The following SUCLG2 variants were observed in gnomAD, a reference collection of about 807,000 sequenced individuals.
SUCLG2 encodes succinate--CoA ligase [GDP-forming] subunit beta, mitochondrial.
Under a neutral mutation model 47.9 loss-of-function variants are expected in SUCLG2, and 42 were observed. The ratio of observed to expected loss-of-function variants is 0.88; its 90% CI spans 0.69 to 1.14. The LOEUF (loss-of-function observed/expected upper bound fraction) is 1.14, where lower values mean the gene tolerates loss of function less well. Among genes scored for constraint, SUCLG2 ranks in the 50% most tolerant of loss-of-function variants. The pLI is 0.00. For missense variants in SUCLG2, 571 were observed against 525.9 expected (o/e 1.09, Z -0.84); for synonymous variants, 195 against 197.3 (o/e 0.99, Z 0.10).
At chr3:67,646,118 G>A (rs1304209372) in intron 1 of SUCLG2, among the ~76,000 whole-genome samples, 4 of 148,656 alleles carry the variant, frequency 2.7e-5, no homozygotes, top group Non-Finnish European at 6.0e-5. Flanking sequence ...GGAGAGGGGA[G>A]GGGAGGGGAG....
intron 9 of SUCLG2, among the ~76,000 whole-genome samples, chr3:67,452,576 A>G (rs1363111512): frequency 1.3e-5 from 2 of 152,192 alleles, no homozygotes; most frequent in East Asian, 3.8e-4. Context: ...TTAGTAGCTC[A>G]AGTTACCACA....
intron 1 of SUCLG2, among the ~76,000 whole-genome samples, chr3:67,646,324 CG>C (rs1371786825): frequency 6.6e-6 from 1 of 152,132 alleles, no homozygotes; most frequent in African/African-American, 2.4e-5. Flanking sequence ...TGGCCGGGCA[CG>C]GTGGCTCACG....
intron 9 of SUCLG2, among the ~76,000 whole-genome samples, chr3:67,402,008 G>A (rs1702695171): frequency 6.6e-6 from 1 of 152,186 alleles, no homozygotes; most frequent in South Asian, 2.1e-4. Flanking sequence ...GGGCGCATTG[G>A]GGCATGTTGT....
At chr3:67,480,887 A>G (rs542288181) in intron 9 of SUCLG2, among the ~76,000 whole-genome samples, 1 of 152,342 alleles carries the variant, frequency 6.6e-6, no homozygotes, top group Non-Finnish European at 1.5e-5. Flanking sequence ...ACCAAGGTCA[A>G]GGAAGTATCC....
At chr3:67,519,854 C>T (rs1706047323) in intron 5 of SUCLG2, among the ~76,000 whole-genome samples, 1 of 152,132 alleles carries the variant, frequency 6.6e-6, no homozygotes. Flanking sequence ...TGGTAGAAAT[C>T]ACCCCATGTT....
intron 7 of SUCLG2, among the ~76,000 whole-genome samples, chr3:67,507,632 G>T (rs1705672725): frequency 6.6e-6 from 1 of 152,164 alleles, no homozygotes; most frequent in South Asian, 2.1e-4. Flanking sequence ...GCCTCTCTGG[G>T]TTCGAAGGAA....
At chr3:67,389,297 G>T (rs1163049283) in intron 10 of SUCLG2, among the ~76,000 whole-genome samples, 1 of 152,056 alleles carries the variant, frequency 6.6e-6, no homozygotes, top group South Asian at 2.1e-4. Context: ...GAGCGTGGGA[G>T]AGGATCAGAG....
At chr3:67,365,434 T>C (rs562658654) in intron 10 of SUCLG2, among the ~76,000 whole-genome samples, 1 of 152,358 alleles carries the variant, frequency 6.6e-6, no homozygotes, top group South Asian at 2.1e-4. Flanking sequence ...AGACCATCAG[T>C]GATGCTACAG....
chr3:67,450,340 G>T lies in SUCLG2; in HGVS notation c.1062+45458C>A, dbSNP rs537835016. On this transcript the variant is annotated intron_variant, in intron 9 of 10. Transcript: ENST00000307227. ...TACAGGCTCAAGCTACCAAACCTGG[G>T]AAAATGTACAATAGTTTTATTAAAT... Among the ~76,000 whole-genome samples, 5 of 152,298 alleles carry T rather than the reference G, an allele frequency of 3.3e-5. No homozygotes were observed. In the East Asian group the frequency reaches 9.7e-4, roughly 29 times the overall value.
chr3:67,503,784 C>G (rs972377259), intron 7 of SUCLG2, among the ~76,000 whole-genome samples: 1 of 152,144 alleles, frequency 6.6e-6, no homozygotes, highest in African/African-American at 2.4e-5. Context: ...TCCTTCTGAA[C>G]GAATATCAAA....
chr3:67,484,922 A>G (rs1705012761), intron 9 of SUCLG2, among the ~76,000 whole-genome samples: 1 of 152,194 alleles, frequency 6.6e-6, no homozygotes. Context: ...TTTTGGTAAA[A>G]TAAATCATTT....
At chr3:67,404,764 G>A (rs1212651728) in intron 9 of SUCLG2, among the ~76,000 whole-genome samples, 2 of 152,118 alleles carry the variant, frequency 1.3e-5, no homozygotes, top group Non-Finnish European at 2.9e-5. Flanking sequence ...ACTGTAATCT[G>A]CAATCTCAAA....
chr3:67,453,180 A>G (rs1057249638), intron 9 of SUCLG2, among the ~76,000 whole-genome samples: 7 of 151,972 alleles, frequency 4.6e-5, no homozygotes, highest in African/African-American at 1.7e-4. Context: ...TTTCCTTTTC[A>G]CAGGAATAAT....
At chr3:67,383,509 C>T (rs1334430755) in intron 10 of SUCLG2, among the ~76,000 whole-genome samples, 2 of 152,172 alleles carry the variant, frequency 1.3e-5, no homozygotes, top group African/African-American at 2.4e-5. Flanking sequence ...CTAATCTCCT[C>T]GATGATTTCT....
chr3:67,511,665 C>T (rs377516528), intron 6 of SUCLG2, among the ~76,000 whole-genome samples: 4 of 152,080 alleles, frequency 2.6e-5, no homozygotes, highest in Non-Finnish European at 4.4e-5. Flanking sequence ...TTATTATCAG[C>T]GTGAGAACAG....
At chr3:67,440,347 A>G (rs1362047625) in intron 9 of SUCLG2, among the ~76,000 whole-genome samples, 1 of 152,248 alleles carries the variant, frequency 6.6e-6, no homozygotes, top group East Asian at 1.9e-4. Flanking sequence ...TAAAACACCA[A>G]AAGCAATGGC....
intron 9 of SUCLG2, among the ~76,000 whole-genome samples, chr3:67,401,644 T>C (rs998167728): frequency 2.0e-5 from 3 of 150,158 alleles, no homozygotes; most frequent in African/African-American, 7.4e-5. Flanking sequence ...TCCTGTATAA[T>C]TAACATGAAG....
At chr3:67,602,249 T>C (rs1214816537) in intron 2 of SUCLG2, among the ~76,000 whole-genome samples, 1 of 152,152 alleles carries the variant, frequency 6.6e-6, no homozygotes, top group Non-Finnish European at 1.5e-5. Context: ...ACACCACCAC[T>C]ATTATTTTTA....
At chr3:67,429,741 A>G (rs1703425977) in intron 9 of SUCLG2, among the ~76,000 whole-genome samples, 2 of 152,230 alleles carry the variant, frequency 1.3e-5, no homozygotes, top group Admixed American at 6.5e-5. Flanking sequence ...CTCAAAATAA[A>G]GGGATGGAGG....
Sources: allele counts gnomAD v4.1 joint callset (sites outside exome capture counted in the v4.1 genomes callset), GRCh38; gene constraint gnomAD v4.1.1; transcripts MANE v1.5; gene names NCBI Gene and HGNC (gene_info 2026-07-23, HGNC 2026-07-21).